MEIS1: variants seen among roughly 807,000 people sequenced by gnomAD.
MEIS1 encodes homeobox protein Meis1.
Under a neutral mutation model 50.8 loss-of-function variants are expected in MEIS1, and 5 were observed. That is an observed-to-expected ratio of 0.10 (90% CI 0.05 to 0.21). The LOEUF (loss-of-function observed/expected upper bound fraction) is 0.21. MEIS1 is among the 10% of genes least tolerant of loss of function. The probability of loss-of-function intolerance (pLI) is 1.00; values close to 1 mark genes in which losing one functional copy is unlikely to be tolerated. For synonymous variants in MEIS1, 176 were observed against 179.3 expected (o/e 0.98, Z 0.15); for missense variants, 318 against 517.3 (o/e 0.61, Z 3.74).
Position 66,437,775 on chromosome 2 carries a change from A to G in MEIS1, c.51A>G (p.Val17=). Residue 17 remains valine, a synonymous_variant, in exon 2 of 13, where the codon GTA becomes GTG. Coordinates refer to ENST00000272369, the MANE Select transcript of MEIS1 (RefSeq NM_002398.3). ...CCCATTACGGGGGCATGGATGGAGT[A>G]GGCATCCCCTCCACGATGTATGGGG... ...DLPHYGGMDG[V]GIPSTMYGDP... is the part of the protein sequence containing the mutation. 6.2e-7 allele frequency: 1 copy of G among 1,613,844 alleles called. No homozygotes were observed. The highest frequency in any genetic ancestry group is 8.5e-7 in the Non-Finnish European group (1 of 1,179,868).
At chr2:66,441,055 G>A in intron 4 of MEIS1, 1 of 334,988 alleles carries the variant, frequency 3.0e-6, no homozygotes, top group Non-Finnish European at 5.3e-6. Flanking sequence ...CACAGTTTGA[G>A]GGCCATTTGG....
chr2:66,478,238 A>C (rs1220965466), intron 7 of MEIS1, among the ~76,000 whole-genome samples: 2 of 152,212 alleles, frequency 1.3e-5, no homozygotes, highest in Non-Finnish European at 2.9e-5. Flanking sequence ...TGCTCCACTA[A>C]ATAATGGAAT....
chr2:66,537,485 C>T (rs1426204577), intron 8 of MEIS1, among the ~76,000 whole-genome samples: 1 of 152,142 alleles, frequency 6.6e-6, no homozygotes, highest in Non-Finnish European at 1.5e-5. Context: ...AGAATGGGTA[C>T]CAGTTCCAGG....
chr2:66,515,970 T>A (rs1673958593), intron 8 of MEIS1, among the ~76,000 whole-genome samples: 1 of 152,206 alleles, frequency 6.6e-6, no homozygotes, highest in Non-Finnish European at 1.5e-5. Flanking sequence ...TTATTCCAAC[T>A]GTAAACATAG....
chr2:66,519,484 A>C (rs1012025238), intron 8 of MEIS1, among the ~76,000 whole-genome samples: 3 of 151,700 alleles, frequency 2.0e-5, no homozygotes, highest in African/African-American at 7.3e-5. Flanking sequence ...CAAGAGCCAG[A>C]GAGTGCGCTC....
intron 8 of MEIS1, among the ~76,000 whole-genome samples, chr2:66,545,590 T>G (rs1473685547): frequency 1.3e-5 from 2 of 152,184 alleles, no homozygotes. Flanking sequence ...ATTCTTCAAC[T>G]AGTAGAGACA....
intron 6 of MEIS1, among the ~76,000 whole-genome samples, chr2:66,451,927 A>AG (rs1672284720): frequency 6.6e-6 from 1 of 151,946 alleles, no homozygotes; most frequent in Non-Finnish European, 1.5e-5. Context: ...TTCTTCCTGA[A>AG]GGAAAAAAAA....
chr2:66,480,023 C>T (rs1354945986), intron 7 of MEIS1, among the ~76,000 whole-genome samples: 2 of 152,056 alleles, frequency 1.3e-5, no homozygotes, highest in Non-Finnish European at 2.9e-5. Flanking sequence ...TAGATTCTTG[C>T]CCTGTGGAAA....
chr2:66,524,834 A>G (rs1270890926), intron 8 of MEIS1, among the ~76,000 whole-genome samples: 2 of 152,216 alleles, frequency 1.3e-5, no homozygotes, highest in African/African-American at 4.8e-5. Context: ...AAGTAACTTT[A>G]AAAAAGTGAA....
chr2:66,499,434 C>T (rs1673494510), intron 7 of MEIS1, among the ~76,000 whole-genome samples: 1 of 152,060 alleles, frequency 6.6e-6, no homozygotes, highest in Admixed American at 6.6e-5. Flanking sequence ...GATGGACTCT[C>T]TCATCCCTCA....
chr2:66,500,162 G>A (rs1449631551), intron 7 of MEIS1, among the ~76,000 whole-genome samples: 1 of 152,154 alleles, frequency 6.6e-6, no homozygotes, highest in Non-Finnish European at 1.5e-5. Flanking sequence ...TCATTTCTCT[G>A]TAGAAAGTAT....
intron 7 of MEIS1, among the ~76,000 whole-genome samples, chr2:66,495,762 C>T (rs1426467925): frequency 6.6e-6 from 1 of 152,136 alleles, no homozygotes; most frequent in Non-Finnish European, 1.5e-5. Flanking sequence ...GGCAGAAACA[C>T]CCCCACTGTT....
chr2:66,565,408 G>T (rs972326020), intron 9 of MEIS1, among the ~76,000 whole-genome samples: 3 of 152,130 alleles, frequency 2.0e-5, no homozygotes, highest in African/African-American at 4.8e-5. Context: ...TGGGGTTGCT[G>T]CCAGTGGTAA....
At chr2:66,509,868 A>C (rs1390942239) in intron 7 of MEIS1, among the ~76,000 whole-genome samples, 1 of 152,222 alleles carries the variant, frequency 6.6e-6, no homozygotes, top group Non-Finnish European at 1.5e-5. Context: ...TCTCTGCTGG[A>C]TTATAGTAGA....
chr2:66,439,623 C>G, intron 2 of MEIS1: 7 of 1,537,384 alleles, frequency 4.6e-6, no homozygotes, highest in Non-Finnish European at 6.1e-6. Context: ...CCTCAGATAC[C>G]GTCCATGGCT....
At position 66,519,636 on chromosome 2, in the gene MEIS1, C is replaced by T. The variant is rs186733716; in HGVS notation, c.888+7342C>T. 1.8e-3 allele frequency among the ~76,000 whole-genome samples: 279 copies of T among 152,248 alleles called. 1 individual carries two copies. Among genetic ancestry groups the T allele is most frequent in the African/African-American group, 6.4e-3 (264 of 41,532 alleles). ...CTTGTTTTTCATTGCCATTGCAAAA[C>T]GCCTTCACTCAGCAAATTATAGGCC... is the stretch of plus-strand genomic sequence containing the variant. On this transcript the variant is annotated intron_variant, in intron 8 of 12. Coordinates refer to ENST00000272369, the MANE Select transcript of MEIS1 (RefSeq NM_002398.3).
intron 2 of MEIS1, chr2:66,439,506 G>T: frequency 1.4e-6 from 2 of 1,468,744 alleles, no homozygotes; most frequent in Non-Finnish European, 9.0e-7. Flanking sequence ...TGGAGGGGAC[G>T]AGGGCTTGTC....
chr2:66,559,653 T>C (rs1675162739), intron 9 of MEIS1, among the ~76,000 whole-genome samples: 1 of 152,194 alleles, frequency 6.6e-6, no homozygotes, highest in African/African-American at 2.4e-5. Flanking sequence ...TTTGCTATAT[T>C]ATCCTAGATC....
intron 7 of MEIS1, among the ~76,000 whole-genome samples, chr2:66,480,099 G>T (rs1271338270): frequency 6.6e-6 from 1 of 152,176 alleles, no homozygotes; most frequent in African/African-American, 2.4e-5. Flanking sequence ...AGATATGCAT[G>T]CAGGGAAAAA....
Sources: gnomAD v4.1 joint callset for allele counts (sites outside exome capture counted in the v4.1 genomes callset) on GRCh38, gnomAD v4.1.1 for gene constraint, MANE v1.5 for transcripts, NCBI Gene and HGNC (gene_info 2026-07-23, HGNC 2026-07-21) for gene names.